ERG: variants seen among roughly 807,000 people sequenced by gnomAD.
ERG encodes ETS transcription factor ERG.
In ERG, 9 loss-of-function variants were observed where a neutral mutation model predicts 55.3. That is an observed-to-expected ratio of 0.16 (90% confidence interval 0.10 to 0.28). The LOEUF (loss-of-function observed/expected upper bound fraction) is 0.28, where lower values mean the gene tolerates loss of function less well. Among genes scored for constraint, ERG ranks in the 10% least tolerant of loss-of-function variants. The pLI, the probability that ERG is intolerant of heterozygous loss-of-function variation, is 1.00. For missense variants in ERG, 434 were observed against 631.6 expected, an observed-to-expected ratio of 0.69 and a Z score of 3.35; for synonymous variants, 223 against 237.3, an observed-to-expected ratio of 0.94 and a Z score of 0.55.
At chr21:38,424,187 G>GCTCTCTCTCTCT (rs1227355474) in intron 2 of ERG, among the ~76,000 whole-genome samples, 2 of 110,076 alleles carry the variant, frequency 1.8e-5, no homozygotes, top group African/African-American at 6.4e-5. Flanking sequence ...CAGAGCTCGA[G>GCTCTCTCTCTCT]CTCTCTCTCT....
chr21:38,573,926 A>C (rs562187043), intron 2 of ERG, among the ~76,000 whole-genome samples: 24 of 152,328 alleles, frequency 1.6e-4, no homozygotes, highest in Admixed American at 1.6e-3. Context: ...TCATTCCTGA[A>C]ATCAAATATA....
At chr21:38,511,694 C>T (rs543573689) in intron 2 of ERG, among the ~76,000 whole-genome samples, 4 of 152,268 alleles carry the variant, frequency 2.6e-5, no homozygotes, top group African/African-American at 9.6e-5. Context: ...CAAATTGGTA[C>T]ACTTGTGATA....
At chr21:38,425,052 T>C (rs1989754628) in intron 2 of ERG, among the ~76,000 whole-genome samples, 2 of 152,078 alleles carry the variant, frequency 1.3e-5, no homozygotes, top group Non-Finnish European at 1.5e-5. Flanking sequence ...TACAGGACAT[T>C]GGTGAAATCG....
At chr21:38,468,163 CT>C (rs1172693116) in intron 1 of ERG, among the ~76,000 whole-genome samples, 1 of 152,178 alleles carries the variant, frequency 6.6e-6, no homozygotes, top group African/African-American at 2.4e-5. Context: ...TGGAATGAGA[CT>C]GTGGTTCCTA....
intron 1 of ERG, among the ~76,000 whole-genome samples, chr21:38,661,506 C>T (rs539039608): frequency 6.6e-6 from 1 of 152,318 alleles, no homozygotes; most frequent in South Asian, 2.1e-4. Context: ...CACGCGGTGA[C>T]AGCCGCCCTT....
intron 2 of ERG, among the ~76,000 whole-genome samples, chr21:38,535,646 C>T (rs1190477091): frequency 6.6e-6 from 1 of 152,114 alleles, no homozygotes; most frequent in African/African-American, 2.4e-5. Context: ...GGGAAGTACC[C>T]TATATTTAAA....
chr21:38,446,836 T>TGA (rs1473389150), intron 1 of ERG, among the ~76,000 whole-genome samples: 4 of 152,158 alleles, frequency 2.6e-5, no homozygotes. Flanking sequence ...GAGCTGGCCA[T>TGA]GATCAACCAG....
intron 1 of ERG, among the ~76,000 whole-genome samples, chr21:38,629,763 A>G (rs1047015304): frequency 3.3e-5 from 5 of 152,246 alleles, no homozygotes; most frequent in African/African-American, 1.2e-4. Context: ...TATATACACA[A>G]AAGAATCAAA....
chr21:38,606,507 C>A (rs564659730), intron 1 of ERG, among the ~76,000 whole-genome samples: 98 of 152,080 alleles, frequency 6.4e-4, no homozygotes, highest in African/African-American at 2.3e-3. Context: ...AAGAAAAAAA[C>A]CAAAATAAGT....
chr21:38,562,066 C>T (rs1400975558), intron 2 of ERG, among the ~76,000 whole-genome samples: 3 of 152,162 alleles, frequency 2.0e-5, no homozygotes, highest in East Asian at 1.9e-4. Context: ...TCCACGGAGA[C>T]ACATGTGCAA....
intron 2 of ERG, among the ~76,000 whole-genome samples, chr21:38,436,146 G>A (rs1054034011): frequency 6.8e-6 from 1 of 147,288 alleles, no homozygotes; most frequent in East Asian, 2.0e-4. Context: ...CTCAGCCTCC[G>A]GGATTATAGG....
At position 38,568,489 on chromosome 21, in the gene ERG, G is replaced by T. The variant is rs187030548; in HGVS notation, c.-41+7173C>A. On this transcript the variant is annotated intron_variant, in intron 2 of 8. Coordinates refer to the ERG transcript ENST00000398897. ...CCAAGCTTCACACTGAGATCATCTGGCCCCAGCACACTCATAAAAATGAGC... is the reference window on the plus strand; with the variant it reads ...CCAAGCTTCACACTGAGATCATCTGTCCCCAGCACACTCATAAAAATGAGC... Among the ~76,000 whole-genome samples the T allele has an allele frequency of 4.3e-3, 661 of 152,192 alleles. 2 individuals are homozygous for T. The highest frequency in any genetic ancestry group is 7.5e-3 in the Non-Finnish European group (510 of 68,008).
chr21:38,383,851 G>T lies in ERG; in HGVS notation c.992C>A (p.Thr331Asn). ...LSDSSNSSCI[T>N]WEGTNGEFKM... ...GAACTCCCCGTTGGTGCCTTCCCAG[G>T]TGATGCAGCTGGAGTTGGAGCTGTC... Residue 331 changes from threonine (T) to asparagine (N), a missense_variant, in exon 10 of 10, where the codon ACC (threonine) becomes AAC (asparagine). Physicochemically the swap from Thr to Asn is moderately conservative, Grantham distance 65 (BLOSUM62 0). Transcript: ENST00000288319. The surrounding 1 kb of genome is among the most constrained non-coding windows in gnomAD (Gnocchi z 5.7). The T allele has an allele frequency of 2.5e-6, 4 of 1,614,164 alleles. No individual in the cohort carries two copies. In the South Asian group the frequency reaches 4.4e-5, roughly 18 times the overall value.
At chr21:38,495,001 A>C (rs2059368117) in intron 1 of ERG, among the ~76,000 whole-genome samples, 1 of 152,270 alleles carries the variant, frequency 6.6e-6, no homozygotes, top group South Asian at 2.1e-4. Flanking sequence ...ACAGCAGGGC[A>C]GCGGCATTTT....
intron 1 of ERG, among the ~76,000 whole-genome samples, chr21:38,642,798 GA>G (rs1347771357): frequency 1.3e-5 from 2 of 152,344 alleles, no homozygotes; most frequent in East Asian, 3.9e-4. Flanking sequence ...TGAAGGAGGA[GA>G]GGGGTAGAAA....
intron 2 of ERG, among the ~76,000 whole-genome samples, chr21:38,521,590 G>A (rs552871888): frequency 3.3e-5 from 5 of 152,254 alleles, no homozygotes. Context: ...TTCATCACCA[G>A]GTGAATAAAA....
intron 1 of ERG, among the ~76,000 whole-genome samples, chr21:38,638,434 C>T (rs1337932990): frequency 6.6e-6 from 1 of 152,314 alleles, no homozygotes; most frequent in East Asian, 1.9e-4. Context: ...ACTTGCAACT[C>T]ACTTCATCTC....
the ERG span, among the ~76,000 whole-genome samples, chr21:38,374,066 G>A: frequency 1.3e-5 from 2 of 152,000 alleles, no homozygotes; most frequent in East Asian, 1.9e-4. Flanking sequence ...AGAGATAGAA[G>A]CCACTTGAAA....
chr21:38,585,833 G>T (rs530302753), upstream of ERG, among the ~76,000 whole-genome samples: 16 of 151,798 alleles, frequency 1.1e-4, no homozygotes, highest in Non-Finnish European at 1.9e-4. Context: ...TATGCATAGA[G>T]GCAAATTGCC....
Sources: gnomAD v4.1 joint callset for allele counts (sites outside exome capture counted in the v4.1 genomes callset) on GRCh38, gnomAD v4.1.1 for gene constraint, Gnocchi (gnomAD v3.1) non-coding constraint, MANE v1.5 for transcripts, NCBI Gene and HGNC (gene_info 2026-07-23, HGNC 2026-07-21) for gene names.